IL4I1: variants seen among roughly 807,000 people sequenced by gnomAD.
IL4I1 encodes the protein interleukin 4 induced 1.
Under a neutral mutation model 29.7 loss-of-function variants are expected in IL4I1, and 24 were observed. The ratio of observed to expected loss-of-function variants is 0.81; its 90% CI spans 0.59 to 1.14. The LOEUF (loss-of-function observed/expected upper bound fraction) is 1.14. Among genes scored for constraint, IL4I1 ranks in the 50% most tolerant of loss-of-function variants. The probability of loss-of-function intolerance (pLI) is 0.00; values close to 1 mark genes in which losing one functional copy is unlikely to be tolerated. For synonymous variants in IL4I1, 371 were observed against 352.5 expected (o/e 1.05, Z -0.59); for missense variants, 686 against 785.6 (o/e 0.87, Z 1.52).
chr19:49,927,131 G>A (rs2075914711), intron 2 of IL4I1, among the ~76,000 whole-genome samples: 1 of 152,078 alleles, frequency 6.6e-6, no homozygotes, highest in Non-Finnish European at 1.5e-5. Context: ...AGGGTGGTGG[G>A]ACTACAGGCA....
At chr19:49,896,353 C>G (rs2075210941) in intron 1 of IL4I1, among the ~76,000 whole-genome samples, 171 bp from the exon 2 acceptor site, 1 of 152,098 alleles carries the variant, frequency 6.6e-6, no homozygotes, top group African/African-American at 2.4e-5. Flanking sequence ...CCTGGACCGT[C>G]CCTGCCTCCC....
chr19:49,891,570 C>T (rs952049367), intron 5 of IL4I1, 97 bp from the exon 6 acceptor site: 5 of 1,085,906 alleles, frequency 4.6e-6, no homozygotes, highest in African/African-American at 3.1e-5. Context: ...CGTGGTTCTG[C>T]CCACGGCTGG....
At chr19:49,915,363 C>T (rs959306233) in intron 2 of IL4I1, among the ~76,000 whole-genome samples, 4 of 152,156 alleles carry the variant, frequency 2.6e-5, no homozygotes, top group Non-Finnish European at 5.9e-5. Flanking sequence ...GAAGAATGGA[C>T]TGAGAGACAC....
chr19:49,895,862 C>T lies in IL4I1; in HGVS notation c.205G>A (p.Val69Met). ...ACCTTGGCGGCCACCAGCCCGGCCACACCAGCGCCAACCACAATCACCCTC... is the reference window on the plus strand; with the variant it reads ...ACCTTGGCGGCCACCAGCCCGGCCATACCAGCGCCAACCACAATCACCCTC... ...PQRVIVVGAG[V>M]AGLVAAKVLS... The change falls in exon 3 of 8, where the codon GTG (valine) becomes ATG (methionine). Residue 69 changes from valine to methionine, a missense_variant. Transcript: ENST00000391826. 6.2e-7 allele frequency: 1 copy of T among 1,614,208 alleles called. No homozygotes were observed.
Position 49,895,182 on chromosome 19 carries a change from T to C in IL4I1, c.253-2A>G. ...GTTATCTGCCTCCAGGATGGTGACC[T>C]GAGGGAGTCCGTGGGGCGAGGAGGG... is the stretch of plus-strand genomic sequence containing the variant. On this transcript the variant is annotated splice_acceptor_variant, in intron 3 of 7. Coordinates refer to ENST00000391826, the MANE Select transcript of IL4I1 (RefSeq NM_152899.2). LOFTEE classifies it high-confidence loss of function. 1.2e-6 allele frequency: 2 copies of C among 1,612,624 alleles called. No individual in the cohort carries two copies. Among genetic ancestry groups the C allele is most frequent in the Non-Finnish European group, 1.7e-6 (2 of 1,178,906 alleles).
intron 2 of IL4I1, among the ~76,000 whole-genome samples, chr19:49,920,498 T>C (rs533753737): frequency 2.6e-5 from 4 of 152,310 alleles, no homozygotes; most frequent in East Asian, 1.9e-4. Context: ...ATATGGATTA[T>C]ACAGTATCTC....
intron 2 of IL4I1, among the ~76,000 whole-genome samples, chr19:49,922,886 G>A (rs1291619793): frequency 2.6e-5 from 4 of 152,040 alleles, no homozygotes; most frequent in East Asian, 1.9e-4. Flanking sequence ...CACCGGTCCA[G>A]GCCTCTTCCC....
At chr19:49,892,435 A>C (rs758842317) in intron 5 of IL4I1, among the ~76,000 whole-genome samples, 5 of 151,986 alleles carry the variant, frequency 3.3e-5, no homozygotes, top group Non-Finnish European at 7.4e-5. Context: ...CTTTGCCCTG[A>C]ATCTCAGCAG....
chr19:49,915,601 C>T (rs1241412706), intron 2 of IL4I1, among the ~76,000 whole-genome samples: 3 of 152,140 alleles, frequency 2.0e-5, no homozygotes, highest in African/African-American at 2.4e-5. Context: ...AAACCAATGG[C>T]GGTAGGTTGA....
upstream of IL4I1, among the ~76,000 whole-genome samples, chr19:49,897,539 G>A (rs1389432636): frequency 2.0e-5 from 3 of 152,226 alleles, no homozygotes; most frequent in Admixed American, 6.5e-5. Context: ...TTCTGTGGCC[G>A]GAACCTGGGG....
chr19:49,890,814 G>T (rs1029377664), intron 7 of IL4I1, among the ~76,000 whole-genome samples, 157 bp downstream of exon 7: 15 of 151,538 alleles, frequency 9.9e-5, no homozygotes, highest in African/African-American at 1.7e-4. Context: ...CCCCTAGGCC[G>T]TGTCCTTTAT....
chr19:49,907,996 G>A, intron 2 of IL4I1: 1 of 763,400 alleles, frequency 1.3e-6, no homozygotes, highest in Non-Finnish European at 2.0e-6. Context: ...GGTGAAAAGG[G>A]GCCAAAGATA....
chr19:49,907,830 CCT>C (rs1026501227), intron 2 of IL4I1: 1 of 332,306 alleles, frequency 3.0e-6, no homozygotes, highest in African/African-American at 2.2e-5. Flanking sequence ...GCCACTGCGC[CCT>C]GACTTGGAGG....
chr19:49,893,985 C>CAAAA (rs996597872), intron 5 of IL4I1, among the ~76,000 whole-genome samples: 6 of 19,666 alleles, frequency 3.1e-4, no homozygotes, highest in African/African-American at 4.0e-4. Flanking sequence ...GACTCCATCT[C>CAAAA]AAAAAAAAAA....
At chr19:49,922,242 GGTGCCCTGC>G (rs1377625028) in intron 2 of IL4I1, among the ~76,000 whole-genome samples, 1 of 152,194 alleles carries the variant, frequency 6.6e-6, no homozygotes, top group African/African-American at 2.4e-5. Flanking sequence ...TCCTTATTGA[GGTGCCCTGC>G]GAGTCCCTGT....
rs1419177365 is a variant in IL4I1, at chr19:49,889,754, G to A, written c.1620C>T (p.Asp540=). The A allele has an allele frequency of 6.6e-7, 1 of 1,521,282 alleles. No homozygotes were observed. Among genetic ancestry groups the A allele is most frequent in the Non-Finnish European group, 8.8e-7 (1 of 1,134,820 alleles). 94.2% of individuals were successfully genotyped at this position (1,521,282 alleles called of 1,614,324 possible). ...VHGVASSPSH[D]LAKEEGSHPP... ...GGTGGCTGCCTTCTTCCTTTGCCAG[G>A]TCATGCGAGGGGCTGCTGGCCACCC... Residue 540 remains aspartate, a synonymous_variant, in exon 8 of 8, where the codon GAC becomes GAT. Transcript: ENST00000391826.
At chr19:49,901,131 G>A (rs1425453359), upstream of IL4I1, among the ~76,000 whole-genome samples, 1 of 152,214 alleles carries the variant, frequency 6.6e-6, no homozygotes, top group Non-Finnish European at 1.5e-5. Context: ...TGTCATCACA[G>A]CACTTTGGGA....
intron 2 of IL4I1, among the ~76,000 whole-genome samples, chr19:49,923,479 C>T (rs868306797): frequency 6.6e-6 from 1 of 152,222 alleles, no homozygotes; most frequent in Admixed American, 6.5e-5. Flanking sequence ...GGAGCAGTCA[C>T]GTAGGCAGAC....
At chr19:49,906,530 C>T (rs528642312) in intron 2 of IL4I1, among the ~76,000 whole-genome samples, 10 of 152,286 alleles carry the variant, frequency 6.6e-5, no homozygotes, top group Middle Eastern at 3.4e-3. Context: ...GTATATTCTA[C>T]GACATAACTG....
Sources: gnomAD v4.1 joint callset for allele counts (sites outside exome capture counted in the v4.1 genomes callset) on GRCh38, gnomAD v4.1.1 for gene constraint, MANE v1.5 for transcripts, NCBI Gene and HGNC (gene_info 2026-07-23, HGNC 2026-07-21) for gene names.